Variants in TRDN observed in about 807,000 individuals in gnomAD.
TRDN encodes triadin, also known as triadin in skeletal muscle.
A neutral mutation model predicts 149.7 loss-of-function variants in TRDN; 161 were observed. That is an observed-to-expected ratio of 1.08 (90% CI 0.95 to 1.23). The LOEUF is 1.23. Ranked by LOEUF, TRDN falls within the 50% of genes most tolerant of loss-of-function variation. The pLI, the probability that TRDN is intolerant of heterozygous loss-of-function variation, is 0.00. For missense variants in TRDN, 896 were observed against 823.5 expected (o/e 1.09, Z -1.08); for synonymous variants, 294 against 250.5 (o/e 1.17, Z -1.64).
At chr6:123,531,649 T>G (rs1340810531) in intron 4 of TRDN, among the ~76,000 whole-genome samples, 3 of 152,018 alleles carry the variant, frequency 2.0e-5, no homozygotes, top group African/African-American at 2.4e-5. Flanking sequence ...TTGAATATGG[T>G]GATGAAGATA....
At chr6:123,273,093 A>G (rs1489117032) in intron 28 of TRDN, 82 bp from the exon 29 acceptor site, 2 of 913,728 alleles carry the variant, frequency 2.2e-6, no homozygotes, top group Non-Finnish European at 3.2e-6. Context: ...ATGTGCCCAT[A>G]GAGAAAAAAT....
At chr6:123,631,546 G>A (rs1245214749) in intron 1 of TRDN, among the ~76,000 whole-genome samples, 1 of 151,916 alleles carries the variant, frequency 6.6e-6, no homozygotes, top group African/African-American at 2.4e-5. Flanking sequence ...CTTAATATGA[G>A]CATATTTGGT....
At chr6:123,541,204 C>A (rs1780816775) in intron 4 of TRDN, among the ~76,000 whole-genome samples, 1 of 152,162 alleles carries the variant, frequency 6.6e-6, no homozygotes, top group African/African-American at 2.4e-5. Flanking sequence ...ATGGTTGGGC[C>A]TGAGTTGAGT....
chr6:123,536,290 T>C (rs1172902394), intron 4 of TRDN, among the ~76,000 whole-genome samples: 1 of 152,132 alleles, frequency 6.6e-6, no homozygotes, highest in East Asian at 1.9e-4. Flanking sequence ...TACTAGCCAC[T>C]TGAGAAATGC....
chr6:123,459,743 C>G (rs1054287249), intron 10 of TRDN, among the ~76,000 whole-genome samples: 1 of 152,132 alleles, frequency 6.6e-6, no homozygotes, highest in Non-Finnish European at 1.5e-5. Flanking sequence ...TTCAATTAAC[C>G]AAATCAGATA....
rs543011548 is a variant in TRDN, at chr6:123,529,115, C to T, written c.484+1391G>A. On this transcript the variant is annotated intron_variant, in intron 5 of 40. Transcript: ENST00000334268. The stretch of plus-strand genomic sequence containing the variant: ...GCAAATGGTGCCATCTACATTACTA[C>T]CGCCACTCCAGCAGCACTGTTATTA... The T allele has an allele frequency of 5.8e-5, 87 of 1,489,710 alleles. No homozygotes were observed. In the Admixed American group the frequency reaches 6.7e-4, roughly 11 times the overall value. The allele number at this position is 1,489,710 out of a possible 1,614,324, so 92.3% of individuals were successfully genotyped here. A position where few individuals can be genotyped will look rare whatever the true frequency, so the allele number is the denominator to read the frequency against.
chr6:123,249,825 A>G (rs1390276029), intron 38 of TRDN, among the ~76,000 whole-genome samples: 1 of 152,108 alleles, frequency 6.6e-6, no homozygotes, highest in Non-Finnish European at 1.5e-5. Flanking sequence ...AAACAAGAGA[A>G]AGAAATAAAT....
chr6:123,361,932 G>T (rs562279398), intron 20 of TRDN, among the ~76,000 whole-genome samples: 1 of 152,166 alleles, frequency 6.6e-6, no homozygotes, highest in Admixed American at 6.5e-5. Context: ...GCCTATCATT[G>T]TCTGGAGCTC....
intron 39 of TRDN, among the ~76,000 whole-genome samples, 179 bp from the exon 40 acceptor site, chr6:123,221,701 A>G (rs1775154560): frequency 6.6e-6 from 1 of 151,774 alleles, no homozygotes; most frequent in Non-Finnish European, 1.5e-5. Context: ...GTAAAATTTA[A>G]TAGGCAAGAG....
chr6:123,523,118 C>T (rs1779770344), intron 5 of TRDN, among the ~76,000 whole-genome samples: 2 of 152,068 alleles, frequency 1.3e-5, no homozygotes, highest in African/African-American at 4.8e-5. Flanking sequence ...CTTAAATGCC[C>T]CCAGTGAAGA....
chr6:123,309,023 G>A (rs1403279118), intron 24 of TRDN, among the ~76,000 whole-genome samples: 1 of 151,748 alleles, frequency 6.6e-6, no homozygotes, highest in East Asian at 1.9e-4. Context: ...TTCTCTTTAT[G>A]CAACCTTTAT....
chr6:123,520,133 AG>A, intron 5 of TRDN, among the ~76,000 whole-genome samples: 1 of 152,122 alleles, frequency 6.6e-6, no homozygotes, highest in Non-Finnish European at 1.5e-5. Flanking sequence ...GTAGAAGTTC[AG>A]TTCTGTGGTA....
At chr6:123,244,565 G>A (rs922299881) in intron 38 of TRDN, among the ~76,000 whole-genome samples, 1 of 152,020 alleles carries the variant, frequency 6.6e-6, no homozygotes. Context: ...AAAGAAGAAC[G>A]AACAAAGCCT....
At chr6:123,529,866 A>G (rs1237913753) in intron 5 of TRDN, among the ~76,000 whole-genome samples, 3 of 152,044 alleles carry the variant, frequency 2.0e-5, no homozygotes, top group Admixed American at 1.3e-4. Context: ...TAGTTTCTTT[A>G]AAGTTTTATG....
At position 123,217,288 on chromosome 6, in the gene TRDN, G is replaced by A. The variant is rs955252591; in HGVS notation, c.*1313C>T. The A allele has an allele frequency of 2.0e-5, 3 of 151,932 alleles. No individual in the cohort carries two copies. Among genetic ancestry groups the A allele is most frequent in the Admixed American group, 6.6e-5 (1 of 15,234 alleles). The allele number at this position is 151,932 out of a possible 1,614,324, so 9.4% of individuals were successfully genotyped here. A position where few individuals can be genotyped will look rare whatever the true frequency, so the allele number is the denominator to read the frequency against. On this transcript the variant is annotated 3_prime_UTR_variant, in exon 41 of 41. Transcript: ENST00000334268. ...TTGGTCCTAAAGAACCGTAGTTAGT[G>A]GCAATCCTTGAAAATAAATCACTTG...
chr6:123,445,058 T>C (rs547223869), intron 10 of TRDN: 38 of 152,080 alleles, frequency 2.5e-4, no homozygotes, highest in African/African-American at 9.2e-4. Flanking sequence ...GAGGATTCCC[T>C]CTTTTTCTAT....
chr6:123,482,223 G>T lies in TRDN; in HGVS notation c.853+14970C>A, dbSNP rs540216496. 1.1e-4 allele frequency among the ~76,000 whole-genome samples: 16 copies of T among 152,242 alleles called. 1 individual carries two copies. Among genetic ancestry groups the T allele is most frequent in the African/African-American group, 3.6e-4 (15 of 41,548 alleles). ...GAGTTTACCTCAGAAGGAGAAAAAAGAACTTGAGGTTTTACTTTAGCAGAA... is the reference window on the plus strand; with the variant it reads ...GAGTTTACCTCAGAAGGAGAAAAAATAACTTGAGGTTTTACTTTAGCAGAA... On this transcript the variant is annotated intron_variant, in intron 9 of 40. Transcript: ENST00000334268.
intron 5 of TRDN, among the ~76,000 whole-genome samples, chr6:123,518,480 G>C (rs1006292878): frequency 6.6e-6 from 1 of 152,108 alleles, no homozygotes; most frequent in Non-Finnish European, 1.5e-5. Flanking sequence ...ACCCACAGGG[G>C]AACACCTAAT....
intron 9 of TRDN, among the ~76,000 whole-genome samples, chr6:123,486,906 A>G (rs1414441842): frequency 6.6e-6 from 1 of 152,032 alleles, no homozygotes; most frequent in Non-Finnish European, 1.5e-5. Context: ...TCCTCATAAC[A>G]CTACAAATTA....
Sources: allele counts gnomAD v4.1 joint callset (sites outside exome capture counted in the v4.1 genomes callset), GRCh38; gene constraint gnomAD v4.1.1; transcripts MANE v1.5; gene names NCBI Gene and HGNC (gene_info 2026-07-23, HGNC 2026-07-21).